The following CCDC192 variants were observed in gnomAD, a reference collection of about 807,000 sequenced individuals.
CCDC192 encodes the protein coiled-coil domain-containing protein 192.
intron 5 of CCDC192, among the ~76,000 whole-genome samples, chr5:127,804,167 T>C (rs1468845336): frequency 6.6e-6 from 1 of 152,234 alleles, no homozygotes; most frequent in Non-Finnish European, 1.5e-5. Context: ...CCAGGCCCTC[T>C]GCTAATTGAC....
chr5:127,934,148 A>ATGG (rs1325248519), intron 6 of CCDC192, among the ~76,000 whole-genome samples: 3 of 151,770 alleles, frequency 2.0e-5, no homozygotes, highest in African/African-American at 7.3e-5. Flanking sequence ...CATGTCATTC[A>ATGG]GGCTGCAGCC....
chr5:127,923,293 G>T (rs1753774740), intron 6 of CCDC192, among the ~76,000 whole-genome samples: 1 of 152,174 alleles, frequency 6.6e-6, no homozygotes, highest in South Asian at 2.1e-4. Flanking sequence ...CTTGTGAACG[G>T]AACTCCAATT....
chr5:127,773,908 A>G (rs1006683629), intron 3 of CCDC192, among the ~76,000 whole-genome samples: 5 of 152,176 alleles, frequency 3.3e-5, no homozygotes, highest in African/African-American at 1.2e-4. Flanking sequence ...ATTTCTCCAT[A>G]TCCTCAGCAA....
Position 127,841,660 on chromosome 5 carries a change from G to A in CCDC192, c.412-33878G>A, listed in dbSNP as rs560473782. On this transcript the variant is annotated intron_variant, in intron 5 of 6. Transcript: ENST00000514853. The stretch of plus-strand genomic sequence containing the variant: ...GTGGGGAGGCCCTGTGGTCCATGCT[G>A]AGCTGCTTCTTAACATATACTCACC... Among the ~76,000 whole-genome samples, 13 of 152,288 alleles carry A rather than the reference G, an allele frequency of 8.5e-5. 1 individual carries two copies. The South Asian group carries it at 2.5e-3, about 29-fold the overall frequency.
At chr5:127,755,851 A>G (rs553913298) in intron 3 of CCDC192, among the ~76,000 whole-genome samples, 97 of 152,108 alleles carry the variant, frequency 6.4e-4, no homozygotes, top group African/African-American at 2.3e-3. Flanking sequence ...TGAATCAGTA[A>G]GATTGAATTC....
chr5:127,897,742 T>G (rs1201310968), intron 6 of CCDC192, among the ~76,000 whole-genome samples: 2 of 152,200 alleles, frequency 1.3e-5, no homozygotes, highest in African/African-American at 2.4e-5. Flanking sequence ...TTAGAATAGG[T>G]GTTCTAGTTT....
At chr5:127,761,368 T>C (rs555616020) in intron 3 of CCDC192, among the ~76,000 whole-genome samples, 12 of 152,154 alleles carry the variant, frequency 7.9e-5, no homozygotes, top group Non-Finnish European at 1.6e-4. Flanking sequence ...CAAATAAACA[T>C]TGAAAATACA....
intron 5 of CCDC192, among the ~76,000 whole-genome samples, chr5:127,865,436 G>C (rs1751568720): frequency 6.6e-6 from 1 of 151,812 alleles, no homozygotes; most frequent in Non-Finnish European, 1.5e-5. Context: ...GCAGACTATT[G>C]CTATTTTTTC....
intron 5 of CCDC192, among the ~76,000 whole-genome samples, chr5:127,834,893 T>G (rs1229831316): frequency 6.6e-6 from 1 of 152,206 alleles, no homozygotes; most frequent in East Asian, 1.9e-4. Flanking sequence ...AGTGTGTATA[T>G]ATATACATAT....
chr5:127,900,999 C>T (rs1415905387), intron 6 of CCDC192, among the ~76,000 whole-genome samples: 1 of 151,988 alleles, frequency 6.6e-6, no homozygotes, highest in Non-Finnish European at 1.5e-5. Context: ...AAACTTTTTT[C>T]CCCTGGAGAA....
intron 5 of CCDC192, among the ~76,000 whole-genome samples, chr5:127,847,376 C>T (rs1234588546): frequency 6.6e-6 from 1 of 152,124 alleles, no homozygotes; most frequent in Non-Finnish European, 1.5e-5. Context: ...TATATTTTTG[C>T]TGCTGACAGT....
intron 6 of CCDC192, among the ~76,000 whole-genome samples, chr5:127,912,238 AT>A (rs1753388560): frequency 6.6e-6 from 1 of 151,784 alleles, no homozygotes; most frequent in Non-Finnish European, 1.5e-5. Flanking sequence ...CCCAAAAAAA[AT>A]TTTTGTCAGG....
intron 6 of CCDC192, among the ~76,000 whole-genome samples, chr5:127,888,171 G>A (rs1015036367): frequency 2.0e-5 from 3 of 151,898 alleles, no homozygotes; most frequent in East Asian, 3.9e-4. Context: ...ATCCCAGCAC[G>A]TTGGGAGGCC....
At chr5:127,870,706 G>T (rs1310524296) in intron 5 of CCDC192, among the ~76,000 whole-genome samples, 1 of 152,116 alleles carries the variant, frequency 6.6e-6, no homozygotes, top group African/African-American at 2.4e-5. Flanking sequence ...TCAAAGGCCT[G>T]CCATGAACTG....
At chr5:127,894,183 T>C (rs1439212698) in intron 6 of CCDC192, among the ~76,000 whole-genome samples, 3 of 148,146 alleles carry the variant, frequency 2.0e-5, no homozygotes, top group African/African-American at 4.9e-5. Flanking sequence ...TTTAGTCCTA[T>C]CTAATTTTTT....
chr5:127,929,183 T>G (rs1753950022), intron 6 of CCDC192, among the ~76,000 whole-genome samples: 1 of 152,212 alleles, frequency 6.6e-6, no homozygotes, highest in African/African-American at 2.4e-5. Flanking sequence ...TTTTTAGTAT[T>G]CAGAACAAAA....
At chr5:127,705,729 A>G (rs954590227) in intron 1 of CCDC192, among the ~76,000 whole-genome samples, 2 of 152,090 alleles carry the variant, frequency 1.3e-5, no homozygotes, top group African/African-American at 4.8e-5. Context: ...AGAGAGTATG[A>G]GTGTTCTGGC....
intron 6 of CCDC192, among the ~76,000 whole-genome samples, chr5:127,933,902 G>A (rs773807656): frequency 2.0e-5 from 3 of 152,168 alleles, no homozygotes; most frequent in African/African-American, 4.8e-5. Flanking sequence ...GACAATGAAC[G>A]TGCCGGCACT....
chr5:127,726,980 T>C (rs753451298), intron 2 of CCDC192, among the ~76,000 whole-genome samples: 1 of 152,286 alleles, frequency 6.6e-6, no homozygotes, highest in Middle Eastern at 3.4e-3. Context: ...AGACACATTA[T>C]ACAGGAGCAT....
Sources: allele counts gnomAD v4.1 joint callset (sites outside exome capture counted in the v4.1 genomes callset), GRCh38; gene constraint gnomAD v4.1.1; transcripts MANE v1.5; gene names NCBI Gene and HGNC (gene_info 2026-07-23, HGNC 2026-07-21).